PCDHA9: variants seen among roughly 807,000 people sequenced by gnomAD.
The protein encoded by PCDHA9 is protocadherin alpha 9.
In PCDHA9, 62 loss-of-function variants were observed where a neutral mutation model predicts 62.0. That is an observed-to-expected ratio of 1.00 (90% CI 0.81 to 1.23). The LOEUF is 1.23. PCDHA9 is among the 50% of genes most tolerant of loss of function. PCDHA9 has a pLI of 0.00. For synonymous variants in PCDHA9, 557 were observed against 567.6 expected (o/e 0.98, Z 0.27); for missense variants, 1,205 against 1,249.8 (o/e 0.96, Z 0.54).
intron 1 of PCDHA9, among the ~76,000 whole-genome samples, chr5:140,889,313 T>G (rs1554183863): frequency 6.6e-6 from 1 of 152,078 alleles, no homozygotes; most frequent in Non-Finnish European, 1.5e-5. Flanking sequence ...ACTGTTGAAG[T>G]TATCTGTATC....
intron 1 of PCDHA9, among the ~76,000 whole-genome samples, chr5:140,916,423 G>A (rs915446945): frequency 6.6e-6 from 1 of 152,174 alleles, no homozygotes; most frequent in Non-Finnish European, 1.5e-5. Context: ...GCACATCTCA[G>A]AACCTAAGGC....
intron 1 of PCDHA9, chr5:140,869,210 C>A (rs781978731): frequency 1.7e-5 from 28 of 1,613,814 alleles, no homozygotes; most frequent in African/African-American, 1.5e-4. Context: ...TACTCCGTCT[C>A]GGAGGAGGCC....
In PCDHA9 at chr5:140,883,674, C is replaced by A. The variant is rs782029001; in HGVS notation, c.2394+32785C>A. The A allele has an allele frequency of 4.3e-5, 70 of 1,613,620 alleles. No homozygotes were observed. The highest frequency in any genetic ancestry group is 5.8e-5 in the Non-Finnish European group (69 of 1,179,878). On this transcript the variant is annotated intron_variant, in intron 1 of 3. Transcript: ENST00000532602. ...ACGGTGTTCGTGAAGGAAAACAATC[C>A]GCCGGGCTGCCACATCTTCACGGTG...
intron 1 of PCDHA9, chr5:140,857,813 G>A (rs17844346): frequency 6.3e-7 from 1 of 1,597,700 alleles, no homozygotes; most frequent in African/African-American, 1.3e-5. Flanking sequence ...TGCGGGTCAC[G>A]TGGTGGCTAA....
intron 3 of PCDHA9, among the ~76,000 whole-genome samples, chr5:140,992,700 G>A (rs2097525204): frequency 6.6e-6 from 1 of 152,162 alleles, no homozygotes; most frequent in Non-Finnish European, 1.5e-5. Flanking sequence ...GGTGGGTAAT[G>A]TTCCTGCCAG....
chr5:140,856,356 T>A lies in PCDHA9; in HGVS notation c.2394+5467T>A, dbSNP rs782497272. ...TGCGGGCGGAGCGTGGAGTGCAGCA[T>A]CCACCTGGAGGTGATCGTGGACAGG... On this transcript the variant is annotated intron_variant, in intron 1 of 3. Coordinates refer to ENST00000532602, the MANE Select transcript of PCDHA9 (RefSeq NM_031857.2). 3 of 1,598,530 alleles carry A rather than the reference T, an allele frequency of 1.9e-6. 1 individual carries two copies. Among genetic ancestry groups the A allele is most frequent in the South Asian group, 2.2e-5 (2 of 90,522 alleles).
intron 1 of PCDHA9, chr5:140,876,150 C>A (rs782752906): frequency 5.0e-6 from 8 of 1,613,798 alleles, no homozygotes; most frequent in Non-Finnish European, 2.5e-6. Context: ...CAGGGTCTGT[C>A]CAGATTCAAA....
intron 1 of PCDHA9, chr5:140,967,146 AC>A: frequency 6.2e-7 from 1 of 1,610,972 alleles, no homozygotes; most frequent in Non-Finnish European, 8.5e-7. Context: ...CTGGCGCACA[AC>A]CCCGTGGCGG....
rs1161459762 is a variant in PCDHA9, at chr5:140,884,196, C to A, written c.2394+33307C>A. 1.9e-6 allele frequency: 3 copies of A among 1,613,298 alleles called. No homozygotes were observed. The African/African-American group carries it at 4.0e-5, about 22-fold the overall frequency. On this transcript the variant is annotated intron_variant, in intron 1 of 3. Coordinates refer to ENST00000532602, the MANE Select transcript of PCDHA9 (RefSeq NM_031857.2). ...CGCCCTCTGGACGAGGTGGACGCGCCGCACCACCGCCTTCTGGTGCTGGTG... is the reference window on the plus strand; with the variant it reads ...CGCCCTCTGGACGAGGTGGACGCGCAGCACCACCGCCTTCTGGTGCTGGTG...
intron 1 of PCDHA9, chr5:140,929,361 C>T (rs115903226): frequency 3.5e-5 from 53 of 1,519,472 alleles, no homozygotes; most frequent in Middle Eastern, 1.8e-4. Context: ...TCCTTTGGCC[C>T]GGAGATGGCT....
intron 3 of PCDHA9, among the ~76,000 whole-genome samples, chr5:140,988,674 T>C (rs1221039125): frequency 1.3e-5 from 2 of 152,240 alleles, no homozygotes; most frequent in Non-Finnish European, 2.9e-5. Context: ...GACTCTAAGA[T>C]AATTCTTTCC....
intron 2 of PCDHA9, chr5:140,982,259 G>A (rs2153828072): frequency 2.4e-6 from 2 of 820,856 alleles, no homozygotes; most frequent in South Asian, 4.9e-5. Context: ...GAACATGTGT[G>A]TTCCTGGAAT....
intron 1 of PCDHA9, chr5:140,967,672 C>T: frequency 1.2e-6 from 2 of 1,614,182 alleles, no homozygotes; most frequent in Non-Finnish European, 8.5e-7. Context: ...ACACGTCGGA[C>T]CGGGAGAGGC....
At chr5:140,995,689 T>A (rs528829345) in intron 3 of PCDHA9, among the ~76,000 whole-genome samples, 33 of 152,250 alleles carry the variant, frequency 2.2e-4, no homozygotes, top group Admixed American at 6.5e-4. Flanking sequence ...TTTTAATTGT[T>A]AAATAAAGGG....
intron 1 of PCDHA9, chr5:140,967,103 C>T: frequency 6.2e-7 from 1 of 1,613,024 alleles, no homozygotes; most frequent in Non-Finnish European, 8.5e-7. Context: ...GCTGTGTGAG[C>T]AGCGGCCTCG....
intron 1 of PCDHA9, chr5:140,877,772 C>A (rs372461540): frequency 1.2e-6 from 2 of 1,614,152 alleles, no homozygotes; most frequent in Non-Finnish European, 1.7e-6. Context: ...CCGCCCAAGA[C>A]GGACCTCATG....
At chr5:140,975,523 A>T (rs1275717294) in intron 1 of PCDHA9, among the ~76,000 whole-genome samples, 1 of 152,196 alleles carries the variant, frequency 6.6e-6, no homozygotes, top group African/African-American at 2.4e-5. Flanking sequence ...TCTGCAGTGG[A>T]TATATTCTTA....
At chr5:140,863,193 G>A (rs1271562908) in intron 1 of PCDHA9, 15 of 840,280 alleles carry the variant, frequency 1.8e-5, no homozygotes, top group Non-Finnish European at 2.3e-5. Context: ...CCGTGGTGGC[G>A]TCGCTGGCGG....
At chr5:140,915,626 G>GTCTCTCTCTCTCTC (rs57920489) in intron 1 of PCDHA9, among the ~76,000 whole-genome samples, 21 of 146,534 alleles carry the variant, frequency 1.4e-4, no homozygotes, top group African/African-American at 5.0e-4. Context: ...GTCTCTTTCT[G>GTCTCTCTCTCTCTC]TCTCTCTCTC....
Sources: gnomAD v4.1 joint callset for allele counts (sites outside exome capture counted in the v4.1 genomes callset) on GRCh38, gnomAD v4.1.1 for gene constraint, MANE v1.5 for transcripts, NCBI Gene and HGNC (gene_info 2026-07-23, HGNC 2026-07-21) for gene names.